Variants in NETO2 observed in about 807,000 individuals in gnomAD.
NETO2 encodes neuropilin and tolloid-like protein 2.
In NETO2, 28 loss-of-function variants were observed where a neutral mutation model predicts 62.5. The observed-to-expected ratio is 0.45, with a 90% CI of 0.33 to 0.61. The LOEUF (loss-of-function observed/expected upper bound fraction) is 0.61, where lower values mean the gene tolerates loss of function less well. NETO2 is among the 20% of genes least tolerant of loss of function. The pLI, the probability that NETO2 is intolerant of heterozygous loss-of-function variation, is 0.02. For synonymous variants in NETO2, 214 were observed against 219.1 expected (o/e 0.98, Z 0.21); for missense variants, 548 against 643.2 (o/e 0.85, Z 1.60).
intron 6 of NETO2, among the ~76,000 whole-genome samples, chr16:47,111,222 T>C (rs762359066): frequency 1.1e-4 from 16 of 152,188 alleles, no homozygotes; most frequent in Non-Finnish European, 1.6e-4. Flanking sequence ...AATGAGAAAG[T>C]GACTAGGCTT....
chr16:47,096,242 A>G (rs1963425050), intron 7 of NETO2, among the ~76,000 whole-genome samples: 2 of 152,178 alleles, frequency 1.3e-5, no homozygotes, highest in Admixed American at 1.3e-4. Flanking sequence ...TTAACTTTAT[A>G]CCTTAAGGAA....
At chr16:47,103,932 T>C (rs1044309161) in intron 7 of NETO2, among the ~76,000 whole-genome samples, 1 of 152,170 alleles carries the variant, frequency 6.6e-6, no homozygotes, top group Non-Finnish European at 1.5e-5. Context: ...TCATAATCAG[T>C]AGTGAAGGAC....
chr16:47,122,816 AACATAAG>A, intron 5 of NETO2, 32 bp from the exon 6 acceptor site: 1 of 1,613,916 alleles, frequency 6.2e-7, no homozygotes, highest in Non-Finnish European at 8.5e-7. Context: ...TGTTCAAAGG[AACATAAG>A]ACTAATCAAA....
At chr16:47,128,962 A>C (rs936517273) in intron 3 of NETO2, among the ~76,000 whole-genome samples, 3 of 152,226 alleles carry the variant, frequency 2.0e-5, no homozygotes, top group Admixed American at 2.0e-4. Context: ...AGTAAGTTTA[A>C]GTTTCTTATC....
At chr16:47,126,696 TGATG>T (rs1309540994) in intron 4 of NETO2, among the ~76,000 whole-genome samples, 1 of 152,188 alleles carries the variant, frequency 6.6e-6, no homozygotes. Flanking sequence ...TGCAAGATGC[TGATG>T]GAAAGGGAGG....
chr16:47,129,518 A>G lies in NETO2; in HGVS notation c.92-154T>C, dbSNP rs1441030998. Among the ~76,000 whole-genome samples, 6 of 152,220 alleles carry G rather than the reference A, an allele frequency of 3.9e-5. No homozygotes were observed. In the East Asian group the frequency reaches 9.6e-4, roughly 24 times the overall value. On this transcript the variant is annotated intron_variant, in intron 2 of 8. Coordinates refer to ENST00000562435, the MANE Select transcript of NETO2 (RefSeq NM_018092.5). ...AAATTTAGCACAATAAATTGAGTAC[A>G]GAAGTGAAAGAGAGGGAGGGAAAAC...
intron 1 of NETO2, among the ~76,000 whole-genome samples, chr16:47,134,198 G>GT (rs1208327362): frequency 6.6e-6 from 1 of 152,194 alleles, no homozygotes; most frequent in African/African-American, 2.4e-5. Flanking sequence ...CGTAGAAATG[G>GT]TTAAGAGGTA....
At chr16:47,129,590 A>G (rs926354619) in intron 2 of NETO2, among the ~76,000 whole-genome samples, 4 of 152,204 alleles carry the variant, frequency 2.6e-5, no homozygotes, top group Non-Finnish European at 4.4e-5. Context: ...AGGGAAATAA[A>G]GGGCTTATAG....
intron 7 of NETO2, among the ~76,000 whole-genome samples, chr16:47,103,035 C>A (rs1032810357): frequency 2.6e-5 from 4 of 152,112 alleles, no homozygotes; most frequent in Non-Finnish European, 4.4e-5. Flanking sequence ...GACTTGGAAC[C>A]AACCCAAATG....
Position 47,083,176 on chromosome 16 carries a change from G to A in NETO2, c.*45C>T. On this transcript the variant is annotated 3_prime_UTR_variant, in exon 9 of 9. Coordinates refer to ENST00000562435, the MANE Select transcript of NETO2 (RefSeq NM_018092.5). Reference sequence around the variant, plus strand: ...GAAACAGTATGGTGCCCTGGAGGCTGCGTACGTACACACCCTAAGAATTCA... The same window carrying A: ...GAAACAGTATGGTGCCCTGGAGGCTACGTACGTACACACCCTAAGAATTCA... 6.6e-7 allele frequency: 1 copy of A among 1,522,868 alleles called. No individual in the cohort carries two copies. The highest frequency in any genetic ancestry group is 8.9e-7 in the Non-Finnish European group (1 of 1,121,156). The allele number at this position is 1,522,868 out of a possible 1,614,324, so 94.3% of individuals were successfully genotyped here. A position where few individuals can be genotyped will look rare whatever the true frequency, so the allele number is the denominator to read the frequency against.
At chr16:47,139,173 A>G (rs1392264957) in intron 1 of NETO2, among the ~76,000 whole-genome samples, 1 of 152,216 alleles carries the variant, frequency 6.6e-6, no homozygotes, top group Non-Finnish European at 1.5e-5. Context: ...ACAGTATTCA[A>G]TACAGACACG....
chr16:47,114,943 G>T (rs1018045377), intron 6 of NETO2, among the ~76,000 whole-genome samples: 1 of 151,910 alleles, frequency 6.6e-6, no homozygotes, highest in African/African-American at 2.4e-5. Context: ...ACAGGTGAGG[G>T]TTCATTTTTT....
rs1963108916 is a variant in NETO2, at chr16:47,083,304, G to A, written c.1495C>T (p.Arg499Ter). 3.7e-6 allele frequency: 6 copies of A among 1,614,168 alleles called. No homozygotes were observed. The highest frequency in any genetic ancestry group is 5.1e-6 in the Non-Finnish European group (6 of 1,180,032). ...TCACAGGGAATCTCCTCCATTACTC[G>A]GTCTTCCAGGGCCTGCTCAGGGCAC... ...HECPEQALED[R>*]VMEEIPCEIY... Residue 499 changes from arginine (R) to a stop codon, truncating the protein, a stop_gained, in exon 9 of 9, where the codon CGA (arginine) becomes TGA (stop). Transcript: ENST00000562435. LOFTEE classifies it high-confidence loss of function.
intron 1 of NETO2, among the ~76,000 whole-genome samples, chr16:47,136,876 A>G (rs1235617337): frequency 6.6e-6 from 1 of 152,198 alleles, no homozygotes; most frequent in Non-Finnish European, 1.5e-5. Flanking sequence ...AATTATGTAT[A>G]TATTTTGAGG....
At position 47,143,771 on chromosome 16, in the gene NETO2, G is replaced by C; in HGVS notation, c.-159C>G. ...GAGGAGAGCTCAGGTCCTGCGGCCC[G>C]CCATGCCCGAGCCCCACAGTGGGCT... On this transcript the variant is annotated 5_prime_UTR_variant, in exon 1 of 9. Transcript: ENST00000562435. 9.8e-7 allele frequency: 1 copy of C among 1,019,640 alleles called. No homozygotes were observed. The highest frequency in any genetic ancestry group is 1.2e-6 in the Non-Finnish European group (1 of 804,256). The allele number at this position is 1,019,640 out of a possible 1,614,324, so 63.2% of individuals were successfully genotyped here.
At chr16:47,122,946 T>TTTTATTA in intron 4 of NETO2, 34 bp from the exon 5 acceptor site, 1 of 1,591,430 alleles carries the variant, frequency 6.3e-7, no homozygotes, top group Non-Finnish European at 8.6e-7. Flanking sequence ...TCATTGGTAC[T>TTTTATTA]GAGATAGTTA....
intron 4 of NETO2, among the ~76,000 whole-genome samples, chr16:47,124,734 C>T (rs541247103): frequency 4.3e-4 from 65 of 152,230 alleles, no homozygotes; most frequent in African/African-American, 1.4e-3. Context: ...CCTGGATTTG[C>T]CATTCTATGA....
chr16:47,097,982 T>G (rs1963463479), intron 7 of NETO2, among the ~76,000 whole-genome samples: 1 of 152,036 alleles, frequency 6.6e-6, no homozygotes. Context: ...AGCATCAACA[T>G]CAATAAAATG....
chr16:47,108,208 A>G (rs2143893490), intron 7 of NETO2, among the ~76,000 whole-genome samples: 1 of 152,354 alleles, frequency 6.6e-6, no homozygotes, highest in Non-Finnish European at 1.5e-5. Context: ...ATGTTAATTA[A>G]TGTATACAGA....
Sources: gnomAD v4.1 joint callset for allele counts (sites outside exome capture counted in the v4.1 genomes callset) on GRCh38, gnomAD v4.1.1 for gene constraint, MANE v1.5 for transcripts, NCBI Gene and HGNC (gene_info 2026-07-23, HGNC 2026-07-21) for gene names.